The following MAF variants were observed in gnomAD, a reference collection of about 807,000 sequenced individuals.
MAF encodes the protein transcription factor Maf.
Under a neutral mutation model 22.0 loss-of-function variants are expected in MAF, and 10 were observed. The observed-to-expected ratio is 0.45, with a 90% confidence interval of 0.28 to 0.77. The LOEUF is 0.77. MAF is among the 30% of genes least tolerant of loss of function. The probability of loss-of-function intolerance (pLI) is 0.12; values close to 1 mark genes in which losing one functional copy is unlikely to be tolerated. For missense variants in MAF, 544 were observed against 548.4 expected (o/e 0.99, Z 0.08); for synonymous variants, 337 against 255.8 (o/e 1.32, Z -3.03).
intron 1 of MAF, chr16:79,595,392 C>CA: frequency 4.7e-6 from 5 of 1,052,736 alleles, no homozygotes; most frequent in Non-Finnish European, 5.7e-6. Context: ...ATAAGTCTTT[C>CA]AGTCAGAGTT....
At chr16:79,392,929 C>T in the MAF span, among the ~76,000 whole-genome samples, 240 of 152,306 alleles carry the variant, frequency 1.6e-3, 4 homozygotes, top group African/African-American at 5.6e-3. Context: ...AATGGAGACA[C>T]CCCAGTAATG....
At chr16:79,458,455 T>C in the MAF span, among the ~76,000 whole-genome samples, 562 of 152,252 alleles carry the variant, frequency 3.7e-3, 3 homozygotes, top group African/African-American at 0.013. Context: ...ATATGTTTGA[T>C]TATTTAACAG....
At chr16:79,401,525 C>G in the MAF span, among the ~76,000 whole-genome samples, 1 of 152,198 alleles carries the variant, frequency 6.6e-6, no homozygotes, top group South Asian at 2.1e-4. Flanking sequence ...GAGAGCTCCT[C>G]CCTTTAAATT....
At chr16:79,246,550 G>GGA in the MAF span, among the ~76,000 whole-genome samples, 1 of 120,268 alleles carries the variant, frequency 8.3e-6, no homozygotes, top group Admixed American at 8.2e-5. Context: ...TGGGGGGGGT[G>GGA]TGGGGGTGTA....
At chr16:79,212,229 C>A in the MAF span, 7 of 1,379,372 alleles carry the variant, frequency 5.1e-6, no homozygotes, top group Non-Finnish European at 6.7e-6. Context: ...GTGTTCACTG[C>A]TCCTTGCTGC....
At chr16:79,269,531 TA>T in the MAF span, among the ~76,000 whole-genome samples, 58 of 151,796 alleles carry the variant, frequency 3.8e-4, no homozygotes, top group African/African-American at 1.3e-3. Context: ...CACCAGGCTT[TA>T]AAAAAAAATC....
chr16:79,313,426 A>ATGATGT, the MAF span, among the ~76,000 whole-genome samples: 2 of 152,190 alleles, frequency 1.3e-5, no homozygotes, highest in Admixed American at 1.3e-4. Flanking sequence ...GACCAGGTCC[A>ATGATGT]TGATGTTGAG....
At chr16:79,228,103 A>G in the MAF span, among the ~76,000 whole-genome samples, 2 of 152,014 alleles carry the variant, frequency 1.3e-5, no homozygotes, top group Non-Finnish European at 2.9e-5. Flanking sequence ...AGGTCTTGCT[A>G]TGTTGCCCAG....
the MAF span, among the ~76,000 whole-genome samples, chr16:79,537,608 T>A: frequency 6.6e-5 from 10 of 152,238 alleles, no homozygotes; most frequent in African/African-American, 2.4e-4. Flanking sequence ...CTTTACCCCA[T>A]CAGTCTTTTT....
chr16:79,522,275 G>A, the MAF span, among the ~76,000 whole-genome samples: 3 of 152,178 alleles, frequency 2.0e-5, no homozygotes, highest in Non-Finnish European at 4.4e-5. Flanking sequence ...TGGGATAGAA[G>A]CCACATTTCT....
chr16:79,478,122 A>G, the MAF span, among the ~76,000 whole-genome samples: 4 of 152,342 alleles, frequency 2.6e-5, no homozygotes, highest in South Asian at 8.3e-4. Flanking sequence ...CACAGCCTCC[A>G]GACTACTGAG....
chr16:79,267,303 T>C, the MAF span, among the ~76,000 whole-genome samples: 1 of 152,204 alleles, frequency 6.6e-6, no homozygotes. Context: ...GCACTTGCAG[T>C]TAGATCTGCC....
chr16:79,365,186 G>C, the MAF span, among the ~76,000 whole-genome samples: 2 of 152,172 alleles, frequency 1.3e-5, no homozygotes, highest in African/African-American at 4.8e-5. Flanking sequence ...AATTATTTTA[G>C]AACCCTGAAG....
the MAF span, among the ~76,000 whole-genome samples, chr16:79,357,522 C>T: frequency 6.6e-6 from 1 of 152,168 alleles, no homozygotes; most frequent in East Asian, 1.9e-4. Context: ...TAGATCCTGA[C>T]AGATATGGGA....
At chr16:79,421,062 G>C in the MAF span, among the ~76,000 whole-genome samples, 6 of 151,800 alleles carry the variant, frequency 4.0e-5, no homozygotes. Flanking sequence ...TTGAGAGAGA[G>C]AGATTTATTA....
the MAF span, among the ~76,000 whole-genome samples, chr16:79,446,650 T>C: frequency 6.6e-6 from 1 of 152,186 alleles, no homozygotes; most frequent in Non-Finnish European, 1.5e-5. Flanking sequence ...CAGTGGCTCA[T>C]GTCTGCACTC....
chr16:79,245,590 C>T, the MAF span, among the ~76,000 whole-genome samples: 10 of 151,990 alleles, frequency 6.6e-5, no homozygotes, highest in South Asian at 1.2e-3. Context: ...GAAATAGGAA[C>T]ACTTTTACAC....
chr16:79,413,210 G>GTTTTTTTTTTTT, the MAF span, among the ~76,000 whole-genome samples: 2 of 63,642 alleles, frequency 3.1e-5, no homozygotes, highest in Non-Finnish European at 6.0e-5. Context: ...GAGCTGTGCA[G>GTTTTTTTTTTTT]TTTTTTTTTT....
chr16:79,457,138 A>C, the MAF span, among the ~76,000 whole-genome samples: 4 of 152,198 alleles, frequency 2.6e-5, no homozygotes, highest in Admixed American at 2.6e-4. Flanking sequence ...TAAGGTTGAA[A>C]GGGACTGTTC....
Sources: gnomAD v4.1 joint callset for allele counts (sites outside exome capture counted in the v4.1 genomes callset) on GRCh38, gnomAD v4.1.1 for gene constraint, MANE v1.5 for transcripts, NCBI Gene and HGNC (gene_info 2026-07-23, HGNC 2026-07-21) for gene names.